Variants in TRPC6 observed in about 807,000 individuals in gnomAD.
TRPC6 encodes short transient receptor potential channel 6.
In TRPC6, 55 loss-of-function variants were observed where a neutral mutation model predicts 90.7. That is an observed-to-expected ratio of 0.61 (90% confidence interval 0.49 to 0.76). The LOEUF is 0.76. TRPC6 is among the 30% of genes least tolerant of loss of function. The probability of loss-of-function intolerance (pLI) is 0.00; values close to 1 mark genes in which losing one functional copy is unlikely to be tolerated. For synonymous variants in TRPC6, 393 were observed against 393.0 expected (o/e 1.00, Z 0.00); for missense variants, 989 against 1,122.7 (o/e 0.88, Z 1.70).
At chr11:101,515,910 T>C (rs1860507560) in intron 1 of TRPC6, among the ~76,000 whole-genome samples, 1 of 152,132 alleles carries the variant, frequency 6.6e-6, no homozygotes, top group Non-Finnish European at 1.5e-5. Flanking sequence ...GAAATTGATA[T>C]TTATTAAAAG....
chr11:101,472,291 C>G lies in TRPC6; in HGVS notation c.2051G>C (p.Gly684Ala). The G allele has an allele frequency of 1.2e-6, 2 of 1,612,972 alleles. No homozygotes were observed. Among genetic ancestry groups the G allele is most frequent in the Non-Finnish European group, 8.5e-7 (1 of 1,179,466 alleles). Reference sequence around the variant, plus strand: ...GACCACTGATTTCACTTCAGAAAGTCCAAATATAGCCCAGAACAGTGTCTT... The same window carrying G: ...GACCACTGATTTCACTTCAGAAAGTGCAAATATAGCCCAGAACAGTGTCTT... ...SFKTLFWAIF[G>A]LSEVKSVVIN... Residue 684 changes from glycine to alanine, a missense_variant, in exon 8 of 13, where the codon GGA becomes GCA. Around this residue, in one of 4 missense-constraint regions of TRPC6, gnomAD observed 118 missense variants for 197.6 expected, o/e 0.60. Transcript: ENST00000344327.
Position 101,452,099 on chromosome 11 carries a change from C to T in TRPC6, c.*856G>A, listed in dbSNP as rs199672759. The T allele has an allele frequency of 2.6e-5, 4 of 152,086 alleles. No individual in the cohort carries two copies. Among genetic ancestry groups the T allele is most frequent in the African/African-American group, 4.8e-5 (2 of 41,406 alleles). 9.4% of individuals were successfully genotyped at this position (152,086 alleles called of 1,614,324 possible). On this transcript the variant is annotated 3_prime_UTR_variant, in exon 13 of 13. Transcript: ENST00000344327. Reference sequence around the variant, plus strand: ...CTCCCAGAAATGGCACAAAATTGTGCTATAATGGAACCAAACAACCACAGT... The same window carrying T: ...CTCCCAGAAATGGCACAAAATTGTGTTATAATGGAACCAAACAACCACAGT...
chr11:101,542,164 G>A lies in TRPC6; in HGVS notation c.171-37366C>T, dbSNP rs550971493. On this transcript the variant is annotated intron_variant, in intron 1 of 12. Transcript: ENST00000344327. ...ATTGTGTCTTGATCTATAGTGTTTT[G>A]ACTATTGTAATTTCAAGGATAGATG... Among the ~76,000 whole-genome samples, 125 of 152,284 alleles carry A rather than the reference G, an allele frequency of 8.2e-4. No individual in the cohort carries two copies. In the Middle Eastern group the frequency reaches 0.01, roughly 12 times the overall value.
chr11:101,457,688 T>A (rs1858916518), intron 10 of TRPC6, among the ~76,000 whole-genome samples: 1 of 152,180 alleles, frequency 6.6e-6, no homozygotes, highest in Non-Finnish European at 1.5e-5. Flanking sequence ...CTGTCACTTG[T>A]TTGAAATGGG....
At position 101,504,119 on chromosome 11, in the gene TRPC6, C is replaced by T. The variant is rs1157512259; in HGVS notation, c.850G>A (p.Ala284Thr). 1.2e-6 allele frequency: 2 copies of T among 1,614,070 alleles called. No homozygotes were observed. The highest frequency in any genetic ancestry group is 1.7e-6 in the Non-Finnish European group (2 of 1,179,936). Residue 284 changes from alanine (A) to threonine (T), a missense_variant, in exon 2 of 13, where the codon GCT becomes ACT. This residue lies in a region of TRPC6 where 486 missense variants were observed against 591.9 expected (regional missense o/e 0.82). Coordinates refer to ENST00000344327, the MANE Select transcript of TRPC6 (RefSeq NM_004621.6). ...TCTTCACTAGACAATGACAGGTAAGCCGGACTTGCCAGGCCTTTATAGGCA... is the reference window on the plus strand; with the variant it reads ...TCTTCACTAGACAATGACAGGTAAGTCGGACTTGCCAGGCCTTTATAGGCA... ...INAYKGLASP[A>T]YLSLSSEDPV...
At chr11:101,487,594 CATT>C (rs1859705916) in intron 4 of TRPC6, among the ~76,000 whole-genome samples, 1 of 151,596 alleles carries the variant, frequency 6.6e-6, no homozygotes, top group Non-Finnish European at 1.5e-5. Flanking sequence ...CATGTACACA[CATT>C]ATTTTTCCAG....
intron 1 of TRPC6, among the ~76,000 whole-genome samples, chr11:101,572,376 T>C (rs893156265): frequency 6.6e-6 from 1 of 152,182 alleles, no homozygotes; most frequent in Non-Finnish European, 1.5e-5. Context: ...CTGGAGAGGA[T>C]GTGGAGAAAT....
chr11:101,575,832 A>G (rs953770703), intron 1 of TRPC6, among the ~76,000 whole-genome samples: 9 of 152,190 alleles, frequency 5.9e-5, no homozygotes, highest in African/African-American at 1.9e-4. Flanking sequence ...TATAACTTAG[A>G]TATAATGAGC....
rs866655969 is a variant in TRPC6 at position 101,467,352 on chromosome 11, A to G, written c.2484+2075T>C. Among the ~76,000 whole-genome samples the G allele has an allele frequency of 2.0e-5, 3 of 152,170 alleles. 1 individual carries two copies. The highest frequency in any genetic ancestry group is 4.4e-5 in the Non-Finnish European group (3 of 68,044). ...ATATCACTACCAAATTATGTAGTATACTTACTCTTCCTGCTCTCTAGTAAT... is the reference window on the plus strand; with the variant it reads ...ATATCACTACCAAATTATGTAGTATGCTTACTCTTCCTGCTCTCTAGTAAT... On this transcript the variant is annotated intron_variant, in intron 10 of 12. Transcript: ENST00000344327.
intron 1 of TRPC6, among the ~76,000 whole-genome samples, chr11:101,580,040 C>T (rs993140053): frequency 1.3e-5 from 2 of 152,072 alleles, no homozygotes; most frequent in Non-Finnish European, 2.9e-5. Context: ...AATCTTTTAT[C>T]CAGTACTGCC....
intron 10 of TRPC6, among the ~76,000 whole-genome samples, chr11:101,464,115 TTTGAG>T (rs1859079150): frequency 6.6e-6 from 1 of 152,120 alleles, no homozygotes; most frequent in African/African-American, 2.4e-5. Flanking sequence ...GTTGTGCGGT[TTTGAG>T]TTAATTTCTT....
Position 101,525,513 on chromosome 11 carries a change from C to T in TRPC6, c.171-20715G>A, listed in dbSNP as rs149948951. On this transcript the variant is annotated intron_variant, in intron 1 of 12. Transcript: ENST00000344327. ...TAGTTCTGGCTTGGATGAACAGATA[C>T]AAACTGAGACCTACAGGATGAGTAT... Among the ~76,000 whole-genome samples the T allele has an allele frequency of 5.7e-3, 865 of 152,270 alleles. 17 individuals carry two copies. Among genetic ancestry groups the T allele is most frequent in the African/African-American group, 0.02 (820 of 41,544 alleles).
chr11:101,502,879 TG>T (rs1396338312), intron 2 of TRPC6, among the ~76,000 whole-genome samples: 9 of 152,106 alleles, frequency 5.9e-5, no homozygotes, highest in Non-Finnish European at 8.8e-5. Context: ...GAAACATCAG[TG>T]ACAGTGGCAC....
intron 1 of TRPC6, among the ~76,000 whole-genome samples, chr11:101,568,893 A>C (rs11606784): frequency 0.38 from 57,506 of 152,108 alleles, 11,551 homozygotes; most frequent in Non-Finnish European, 0.46. Flanking sequence ...CAACCGATAC[A>C]AGCCACTGCA....
chr11:101,504,685 A>G lies in TRPC6; in HGVS notation c.284T>C (p.Leu95Pro), dbSNP rs1454783742. Residue 95 changes from leucine to proline, a missense_variant, in exon 2 of 13, where the codon CTA (leucine) becomes CCA (proline). Leu to Pro is a moderately conservative substitution (Grantham distance 98). Coordinates refer to ENST00000344327, the MANE Select transcript of TRPC6 (RefSeq NM_004621.6). ...CAAAAAGCGTTCCTCCTCTATAGAT[A>G]GGCTTGTGGAGCGATCACTAAACAT... ...AYMFSDRSTS[L>P]SIEEERFLDA... 1 of 1,596,132 alleles carries G rather than the reference A, an allele frequency of 6.3e-7. No homozygotes were observed. The highest frequency in any genetic ancestry group is 1.7e-5 in the Admixed American group (1 of 58,642).
chr11:101,489,684 C>T (rs1418472432), intron 3 of TRPC6, among the ~76,000 whole-genome samples: 1 of 151,412 alleles, frequency 6.6e-6, no homozygotes, highest in East Asian at 1.9e-4. Context: ...TTTATTTTTA[C>T]AACTGAACCA....
rs1861304206 is a variant in TRPC6 at position 101,546,223 on chromosome 11, C to T, written c.170+37111G>A. On this transcript the variant is annotated intron_variant, in intron 1 of 12. Coordinates refer to ENST00000344327, the MANE Select transcript of TRPC6 (RefSeq NM_004621.6). The stretch of plus-strand genomic sequence containing the variant: ...AGTAGCTGGGACTACAGGCGCCCGC[C>T]ACCGCGCCCGGCTAATTTTTTTGTA... Among the ~76,000 whole-genome samples the T allele has an allele frequency of 1.8e-5, 2 of 112,580 alleles. 1 individual carries two copies. The highest frequency in any genetic ancestry group is 3.7e-5 in the Non-Finnish European group (2 of 53,878). 73.9% of individuals were successfully genotyped at this position (112,580 alleles called of 152,430 possible). A position where few individuals can be genotyped will look rare whatever the true frequency, so the allele number is the denominator to read the frequency against.
chr11:101,509,149 G>T (rs1725683591), intron 1 of TRPC6, among the ~76,000 whole-genome samples: 1 of 148,832 alleles, frequency 6.7e-6, no homozygotes. Context: ...TTTTTTTTGA[G>T]ACAGGATCTC....
chr11:101,519,322 T>C (rs1860597481), intron 1 of TRPC6, among the ~76,000 whole-genome samples: 2 of 133,430 alleles, frequency 1.5e-5, no homozygotes, highest in Non-Finnish European at 3.3e-5. Flanking sequence ...TATACACCTA[T>C]GTACCCACAA....
Sources: allele counts gnomAD v4.1 joint callset (sites outside exome capture counted in the v4.1 genomes callset), GRCh38; gene constraint gnomAD v4.1.1; regional missense constraint gnomAD v4.1.1; transcripts MANE v1.5; gene names NCBI Gene and HGNC (gene_info 2026-07-23, HGNC 2026-07-21).